XXYLT1: variants seen among roughly 807,000 people sequenced by gnomAD.
XXYLT1 encodes xyloside xylosyltransferase 1.
In XXYLT1, 20 loss-of-function variants were observed where a neutral mutation model predicts 28.9. The observed-to-expected ratio is 0.69, with a 90% confidence interval of 0.49 to 1.00. The LOEUF (loss-of-function observed/expected upper bound fraction) is 1.00, where lower values mean the gene tolerates loss of function less well. Among genes scored for constraint, XXYLT1 ranks in the 50% least tolerant of loss-of-function variants. The pLI is 0.00. For synonymous variants in XXYLT1, 257 were observed against 253.8 expected, an observed-to-expected ratio of 1.01 and a Z score of -0.12; for missense variants, 542 against 560.1, an observed-to-expected ratio of 0.97 and a Z score of 0.33.
In XXYLT1 at chr3:195,173,103, C is replaced by A. The variant is rs1721491072; in HGVS notation, c.653-16522G>T. On this transcript the variant is annotated intron_variant, in intron 2 of 3. Coordinates refer to ENST00000310380, the MANE Select transcript of XXYLT1 (RefSeq NM_152531.5). This position sits in a 1 kb window ranked among gnomAD's most constrained non-coding sequence, Gnocchi z 4.3. ...CATGCCTCTACCCTGATCCTGGCGT[C>A]CTGGTACACATCTTGCAAGTCCATC... is the stretch of plus-strand genomic sequence containing the variant. 6.6e-6 allele frequency among the ~76,000 whole-genome samples: 1 copy of A among 152,222 alleles called. No individual in the cohort carries two copies.
intron 1 of XXYLT1, among the ~76,000 whole-genome samples, chr3:195,232,272 C>CT (rs564765625): frequency 2.6e-5 from 4 of 151,742 alleles, no homozygotes; most frequent in East Asian, 3.9e-4. Flanking sequence ...GGTCTTCTCT[C>CT]TTTTTTTTCT....
At chr3:195,160,877 A>G (rs1720837091) in intron 2 of XXYLT1, among the ~76,000 whole-genome samples, 2 of 152,274 alleles carry the variant, frequency 1.3e-5, no homozygotes, top group Admixed American at 6.5e-5. Context: ...CTCACATCCA[A>G]CAGAAACTTG....
intron 3 of XXYLT1, among the ~76,000 whole-genome samples, chr3:195,110,857 A>G (rs1178391998): frequency 7.5e-5 from 1 of 13,320 alleles, no homozygotes; most frequent in African/African-American, 2.6e-4. Context: ...TGTGTTGTAT[A>G]AGTGTGTGTG....
intron 3 of XXYLT1, among the ~76,000 whole-genome samples, chr3:195,120,068 G>A (rs2108612345): frequency 6.6e-6 from 1 of 152,294 alleles, no homozygotes; most frequent in Non-Finnish European, 1.5e-5. Flanking sequence ...CTCACATGCT[G>A]TCTCTTTTCT....
chr3:195,171,817 T>C (rs890505112), intron 2 of XXYLT1, among the ~76,000 whole-genome samples: 1 of 152,274 alleles, frequency 6.6e-6, no homozygotes, highest in African/African-American at 2.4e-5. Context: ...AGGTTGCCTC[T>C]GTGCAATTCA....
intron 1 of XXYLT1, among the ~76,000 whole-genome samples, chr3:195,232,506 G>T (rs559474366): frequency 5.3e-5 from 8 of 151,684 alleles, no homozygotes; most frequent in Non-Finnish European, 1.2e-4. Flanking sequence ...CTTCTTTTTT[G>T]ATGTAGGCAT....
intron 3 of XXYLT1, among the ~76,000 whole-genome samples, chr3:195,072,277 T>C (rs1277910124): frequency 6.6e-6 from 1 of 152,174 alleles, no homozygotes; most frequent in Admixed American, 6.5e-5. Flanking sequence ...CCAGATCTAC[T>C]GTGGGGTTGA....
chr3:195,120,420 C>T (rs1438124962), intron 3 of XXYLT1, among the ~76,000 whole-genome samples: 1 of 152,166 alleles, frequency 6.6e-6, no homozygotes, highest in Non-Finnish European at 1.5e-5. Flanking sequence ...ATCTGTGCCT[C>T]AGTTTTCTCA....
chr3:195,182,310 G>A (rs908803120), intron 2 of XXYLT1, among the ~76,000 whole-genome samples: 1 of 152,216 alleles, frequency 6.6e-6, no homozygotes, highest in Non-Finnish European at 1.5e-5. Flanking sequence ...CTCAGTTAAT[G>A]TCAACTGTCA....
chr3:195,140,630 GGAGAGAGAGTGAGAGA>G (rs1719435062), intron 3 of XXYLT1, among the ~76,000 whole-genome samples: 1 of 151,178 alleles, frequency 6.6e-6, no homozygotes, highest in African/African-American at 2.4e-5. Context: ...CATGGCAGCA[GGAGAGAGAGTGAGAGA>G]GAGAGTGAGA....
chr3:195,068,477 G>A lies in XXYLT1; in HGVS notation c.*1238C>T, dbSNP rs1166619981. The A allele has an allele frequency of 1.3e-5, 2 of 152,078 alleles. No homozygotes were observed. Among genetic ancestry groups the A allele is most frequent in the Non-Finnish European group, 2.9e-5 (2 of 68,030 alleles). 9.4% of individuals were successfully genotyped at this position (152,078 alleles called of 1,614,324 possible). A position where few individuals can be genotyped will look rare whatever the true frequency, so the allele number is the denominator to read the frequency against. On this transcript the variant is annotated 3_prime_UTR_variant, in exon 4 of 4. Transcript: ENST00000310380. ...TAAGGTCTACGGTCTAACGTGGTAT[G>A]ATAAGGGGATTTTTTAAACAAAGAA...
chr3:195,258,211 C>A (rs909279902), intron 1 of XXYLT1, among the ~76,000 whole-genome samples: 1 of 152,132 alleles, frequency 6.6e-6, no homozygotes, highest in Non-Finnish European at 1.5e-5. Flanking sequence ...AGGCAACAGC[C>A]ACAGAGGGTG....
intron 1 of XXYLT1, among the ~76,000 whole-genome samples, chr3:195,228,882 G>A (rs1444249642): frequency 2.7e-5 from 4 of 150,494 alleles, no homozygotes; most frequent in East Asian, 2.0e-4. Flanking sequence ...GCGTGATCTC[G>A]GCTCACTGTA....
chr3:195,125,795 T>A (rs1037012456), intron 3 of XXYLT1, among the ~76,000 whole-genome samples: 2 of 152,224 alleles, frequency 1.3e-5, no homozygotes, highest in African/African-American at 4.8e-5. Flanking sequence ...GGCGCCAACC[T>A]GGTAGCAGGT....
At chr3:195,200,227 C>A (rs1448484785) in intron 2 of XXYLT1, among the ~76,000 whole-genome samples, 1 of 152,232 alleles carries the variant, frequency 6.6e-6, no homozygotes, top group South Asian at 2.1e-4. Context: ...AGCCGTGAAG[C>A]AGCGTGGCGA....
chr3:195,234,424 T>C (rs1002867338), intron 1 of XXYLT1, among the ~76,000 whole-genome samples: 2 of 150,118 alleles, frequency 1.3e-5, no homozygotes, highest in East Asian at 2.0e-4. Flanking sequence ...ATTAAAGCGA[T>C]TGTCCTGCCT....
intron 3 of XXYLT1, among the ~76,000 whole-genome samples, chr3:195,097,666 G>A (rs1245915263): frequency 6.6e-6 from 1 of 152,206 alleles, no homozygotes; most frequent in African/African-American, 2.4e-5. Context: ...TGATAAGACT[G>A]TCCTCGGCTG....
At chr3:195,170,178 GTA>G (rs1025455578) in intron 2 of XXYLT1, among the ~76,000 whole-genome samples, 31 of 152,168 alleles carry the variant, frequency 2.0e-4, no homozygotes, top group African/African-American at 7.5e-4. Flanking sequence ...ATATATGTGT[GTA>G]TATACACACA....
chr3:195,227,607 G>A (rs530600513), intron 1 of XXYLT1, among the ~76,000 whole-genome samples: 11 of 152,272 alleles, frequency 7.2e-5, no homozygotes, highest in African/African-American at 1.9e-4. Flanking sequence ...CGACAACCTA[G>A]GGCTTCTGTG....
Sources: gnomAD v4.1 joint callset for allele counts (sites outside exome capture counted in the v4.1 genomes callset) on GRCh38, gnomAD v4.1.1 for gene constraint, Gnocchi (gnomAD v3.1) non-coding constraint, MANE v1.5 for transcripts, NCBI Gene and HGNC (gene_info 2026-07-23, HGNC 2026-07-21) for gene names.